PKP4: variants seen among roughly 807,000 people sequenced by gnomAD.
The protein encoded by PKP4 is plakophilin 4, also known as plakophilin-4.
PKP4 carries 90 observed loss-of-function variants against 145.1 expected under a neutral mutation model. The observed-to-expected ratio is 0.62, with a 90% CI of 0.52 to 0.74. PKP4 has a LOEUF of 0.74. Ranked by LOEUF, PKP4 falls within the 30% of genes least tolerant of loss-of-function variation. The pLI is 0.00. For synonymous variants in PKP4, 563 were observed against 577.2 expected (o/e 0.98, Z 0.35); for missense variants, 1,340 against 1,482.7 (o/e 0.90, Z 1.58).
At position 158,533,250 on chromosome 2, in the gene PKP4, C is replaced by T. The variant is rs35112233; in HGVS notation, c.66C>T (p.Ala22=). The part of the protein sequence containing the change: ...EGQPQTRQEA[A]STGPGMEPET... ...AACCACAGACCCGCCAGGAAGCTGCCTCCACTGGCCCAGGCATGGAACCCG... is the reference window on the plus strand; with the variant it reads ...AACCACAGACCCGCCAGGAAGCTGCTTCCACTGGCCCAGGCATGGAACCCG... The change falls in exon 2 of 22, where the codon GCC becomes GCT. Residue 22 remains alanine (A), a synonymous_variant. Coordinates refer to ENST00000389759, the MANE Select transcript of PKP4 (RefSeq NM_003628.6). 0.057 allele frequency: 92,130 copies of T among 1,613,912 alleles called. 3,119 individuals are homozygous for T. Among genetic ancestry groups the T allele is most frequent in the Middle Eastern group, 0.078 (470 of 6,028 alleles).
chr2:158,577,899 A>G (rs2047995429), intron 3 of PKP4, among the ~76,000 whole-genome samples: 2 of 152,208 alleles, frequency 1.3e-5, no homozygotes, highest in East Asian at 3.8e-4. Context: ...TACTGTAAAA[A>G]CATAATCATG....
At chr2:158,499,725 G>A (rs750781357) in intron 1 of PKP4, among the ~76,000 whole-genome samples, 1 of 152,050 alleles carries the variant, frequency 6.6e-6, no homozygotes, top group African/African-American at 2.4e-5. Context: ...TCATTCACTC[G>A]GTTAGAAATG....
intron 1 of PKP4, among the ~76,000 whole-genome samples, chr2:158,500,339 TAA>T (rs1392948194): frequency 6.6e-6 from 1 of 152,208 alleles, no homozygotes; most frequent in African/African-American, 2.4e-5. Context: ...GGTTTATTAT[TAA>T]GTGTGCAGAA....
Position 158,625,062 on chromosome 2 carries a change from C to T in PKP4, c.788C>T (p.Ser263Phe). ...PRPLNPSAYS[S>F]TTLPAARAAS... ...CCTCTGAACCCCAGTGCATATTCCT[C>T]CACCACATTACCTGCTGCACGGGCA... Residue 263 changes from serine to phenylalanine, a missense_variant, in exon 7 of 22, where the codon TCC (serine) becomes TTC (phenylalanine). Physicochemically the swap from Ser to Phe is radical, Grantham distance 155. Coordinates refer to ENST00000389759, the MANE Select transcript of PKP4 (RefSeq NM_003628.6). 1 of 1,614,180 alleles carries T rather than the reference C, an allele frequency of 6.2e-7. No individual in the cohort carries two copies. Among genetic ancestry groups the T allele is most frequent in the Non-Finnish European group, 8.5e-7 (1 of 1,180,020 alleles).
intron 1 of PKP4, among the ~76,000 whole-genome samples, chr2:158,478,326 T>C (rs1014022115): frequency 2.0e-5 from 3 of 151,870 alleles, no homozygotes; most frequent in African/African-American, 7.3e-5. Flanking sequence ...TGTTGTAAAA[T>C]GGGGTTTTCA....
intron 1 of PKP4, among the ~76,000 whole-genome samples, chr2:158,495,780 G>A (rs1308215084): frequency 6.6e-6 from 1 of 151,518 alleles, no homozygotes; most frequent in African/African-American, 2.4e-5. Context: ...GTTGCAGTGA[G>A]CTGAGATTGC....
chr2:158,536,461 GTAAAATAC>G (rs1300002392), intron 2 of PKP4, among the ~76,000 whole-genome samples: 1 of 152,206 alleles, frequency 6.6e-6, no homozygotes, highest in Non-Finnish European at 1.5e-5. Flanking sequence ...ATCTAAGCCA[GTAAAATAC>G]CTCACACATA....
At chr2:158,593,464 T>A (rs182819667) in intron 3 of PKP4, among the ~76,000 whole-genome samples, 191 of 152,256 alleles carry the variant, frequency 1.3e-3, no homozygotes, top group Middle Eastern at 3.4e-3. Flanking sequence ...AGGGAACTGT[T>A]TGTCTCATTT....
chr2:158,556,334 C>T (rs1209134548), intron 2 of PKP4, among the ~76,000 whole-genome samples: 1 of 152,160 alleles, frequency 6.6e-6, no homozygotes, highest in Non-Finnish European at 1.5e-5. Context: ...CAATCAAATA[C>T]TTCTCTGAGA....
At chr2:158,591,110 AAATG>A (rs1448840216) in intron 3 of PKP4, among the ~76,000 whole-genome samples, 1 of 152,136 alleles carries the variant, frequency 6.6e-6, no homozygotes, top group Non-Finnish European at 1.5e-5. Context: ...TCTACAGAGC[AAATG>A]AAATTATTTC....
chr2:158,671,842 A>C (rs996865542), intron 17 of PKP4, among the ~76,000 whole-genome samples: 2 of 152,168 alleles, frequency 1.3e-5, no homozygotes, highest in African/African-American at 4.8e-5. Flanking sequence ...CATGCTGGGG[A>C]GAGGAATGCT....
chr2:158,672,642 G>A (rs2057664599), intron 17 of PKP4, among the ~76,000 whole-genome samples: 1 of 152,168 alleles, frequency 6.6e-6, no homozygotes, highest in South Asian at 2.1e-4. Context: ...TATTTCTTTG[G>A]GGTATTTAGC....
intron 3 of PKP4, among the ~76,000 whole-genome samples, chr2:158,577,980 G>A (rs2356188): frequency 0.91 from 137,676 of 152,086 alleles, 62,433 homozygotes; most frequent in East Asian, 0.97. Flanking sequence ...TACATGTTCC[G>A]AATAGTTAAA....
chr2:158,599,115 A>G (rs1460137598), intron 3 of PKP4, among the ~76,000 whole-genome samples: 2 of 152,226 alleles, frequency 1.3e-5, no homozygotes, highest in African/African-American at 4.8e-5. Flanking sequence ...TCTGTTGTGC[A>G]TTAGCAGCAG....
At chr2:158,491,226 G>T (rs778036042) in intron 1 of PKP4, among the ~76,000 whole-genome samples, 7 of 152,072 alleles carry the variant, frequency 4.6e-5, no homozygotes, top group Admixed American at 2.6e-4. Context: ...AAAGGGGTGC[G>T]TGATCCCTTG....
intron 1 of PKP4, among the ~76,000 whole-genome samples, chr2:158,474,680 A>G (rs894062196): frequency 3.9e-5 from 6 of 152,132 alleles, no homozygotes; most frequent in African/African-American, 1.4e-4. Flanking sequence ...TCAGCAGTGT[A>G]AGGCTGTTCC....
Position 158,467,042 on chromosome 2 carries a change from A to T in PKP4, c.-6+9824A>T, listed in dbSNP as rs112084308. Among the ~76,000 whole-genome samples, 224 of 152,344 alleles carry T rather than the reference A, an allele frequency of 1.5e-3. 1 individual carries two copies. Among genetic ancestry groups the T allele is most frequent in the African/African-American group, 5.2e-3 (216 of 41,588 alleles). Reference sequence around the variant, plus strand: ...GGTACTATAAAATTACATAAATGTTAAGAGTAATGAAACAAAATTTCATAG... The same window carrying T: ...GGTACTATAAAATTACATAAATGTTTAGAGTAATGAAACAAAATTTCATAG... On this transcript the variant is annotated intron_variant, in intron 1 of 21. Coordinates refer to ENST00000389759, the MANE Select transcript of PKP4 (RefSeq NM_003628.6).
intron 2 of PKP4, among the ~76,000 whole-genome samples, chr2:158,566,493 A>T (rs373161948): frequency 5.5e-5 from 8 of 144,258 alleles, no homozygotes; most frequent in South Asian, 4.2e-4. Context: ...TATATATATA[A>T]AACCCAAATT....
intron 4 of PKP4, among the ~76,000 whole-genome samples, chr2:158,620,405 G>A (rs4664988): frequency 0.91 from 138,109 of 152,164 alleles, 62,787 homozygotes; most frequent in East Asian, 0.97. Context: ...AGAAACAATG[G>A]TTAGGTTAGA....
Sources: allele counts gnomAD v4.1 joint callset (sites outside exome capture counted in the v4.1 genomes callset), GRCh38; gene constraint gnomAD v4.1.1; transcripts MANE v1.5; gene names NCBI Gene and HGNC (gene_info 2026-07-23, HGNC 2026-07-21).